The following TBC1D8B variants were observed in gnomAD, a reference collection of about 807,000 sequenced individuals.
TBC1D8B encodes the protein RP11-321G1.1.
In TBC1D8B, 75 loss-of-function variants were observed where a neutral mutation model predicts 82.9. The observed-to-expected ratio is 0.90, with a 90% CI of 0.75 to 1.10. The LOEUF is 1.10. Ranked by LOEUF, TBC1D8B falls within the 50% of genes least tolerant of loss-of-function variation. The probability of loss-of-function intolerance (pLI) is 0.00; values close to 1 mark genes in which losing one functional copy is unlikely to be tolerated. For synonymous variants in TBC1D8B, 276 were observed against 276.8 expected (o/e 1.00, Z 0.03); for missense variants, 794 against 796.9 (o/e 1.00, Z 0.04).
At chrX:106,814,914 T>C (rs1931495493) in intron 1 of TBC1D8B, 1 of 111,853 alleles carries the variant, frequency 8.9e-6, no homozygotes, top group Admixed American at 9.5e-5. Context: ...TCTTCTAAAT[T>C]TGTTTGAGTT....
At chrX:106,859,951 C>T (rs1932758408) in intron 14 of TBC1D8B, among the ~76,000 whole-genome samples, 2 of 111,833 alleles carry the variant, frequency 1.8e-5, no homozygotes, top group Admixed American at 1.9e-4. Flanking sequence ...TTGAGACGAT[C>T]GTGTGGTTTT....
intron 1 of TBC1D8B, among the ~76,000 whole-genome samples, chrX:106,803,561 A>G (rs915632407): frequency 9.0e-6 from 1 of 111,183 alleles, no homozygotes; most frequent in East Asian, 2.9e-4. Context: ...ATCTCTCCCA[A>G]TTTAGCATCT....
At chrX:106,858,088 G>T (rs1199603480) in intron 14 of TBC1D8B, among the ~76,000 whole-genome samples, 3 of 111,521 alleles carry the variant, frequency 2.7e-5, no homozygotes, top group African/African-American at 9.8e-5. Context: ...GTTATTTTTT[G>T]ACTTTTTAAT....
chrX:106,830,696 C>A (rs1471834856), intron 7 of TBC1D8B, among the ~76,000 whole-genome samples: 3 of 104,392 alleles, frequency 2.9e-5, no homozygotes, highest in Non-Finnish European at 5.8e-5. Flanking sequence ...ATCGCAAGGA[C>A]AAAAAACCAA....
At chrX:106,873,486 A>G in intron 20 of TBC1D8B, 84 bp from the exon 21 acceptor site, 2 of 946,095 alleles carry the variant, frequency 2.1e-6, no homozygotes, top group East Asian at 3.1e-5. Flanking sequence ...CAAATCCTAT[A>G]TAGGAGACTA....
At chrX:106,855,579 G>T (rs1326452812) in intron 14 of TBC1D8B, among the ~76,000 whole-genome samples, 2 of 111,807 alleles carry the variant, frequency 1.8e-5, no homozygotes. Flanking sequence ...TCTTCCTAAT[G>T]CATTGAATAG....
chrX:106,840,592 T>C, intron 9 of TBC1D8B, 78 bp from the exon 10 acceptor site: 1 of 918,145 alleles, frequency 1.1e-6, no homozygotes, highest in Non-Finnish European at 1.5e-6. Context: ...GGTAATGAAA[T>C]CCAATTATTT....
intron 3 of TBC1D8B, among the ~76,000 whole-genome samples, 171 bp from the exon 4 acceptor site, chrX:106,821,806 A>T (rs1035798707): frequency 9.0e-6 from 1 of 111,723 alleles, no homozygotes; most frequent in South Asian, 3.7e-4. Flanking sequence ...GGAACTTTGT[A>T]GAATTTTTTT....
intron 1 of TBC1D8B, among the ~76,000 whole-genome samples, chrX:106,813,705 T>C (rs767952954): frequency 1.1e-4 from 12 of 112,356 alleles, no homozygotes; most frequent in Non-Finnish European, 1.5e-4. Flanking sequence ...TTTATTTATA[T>C]ACACACACAT....
rs1931884754 is a variant in TBC1D8B, at chrX:106,827,459, A to G, written c.1203+122A>G. On this transcript the variant is annotated intron_variant, in intron 7 of 20. Transcript: ENST00000357242. ...ATGCCCAGGGGTTTTTTTTAAAGAT[A>G]GAATCTAAGAAATTATATTGTCTAA... The G allele has an allele frequency of 1.4e-5, 10 of 724,030 alleles. No homozygotes were observed. In the Admixed American group the frequency reaches 2.9e-4, roughly 21 times the overall value. 59.7% of individuals were successfully genotyped at this position (724,030 alleles called of 1,213,427 possible). A position where few individuals can be genotyped will look rare whatever the true frequency, so the allele number is the denominator to read the frequency against.
In TBC1D8B at chrX:106,840,773, A is replaced by C; in HGVS notation, c.1608A>C (p.Leu536Phe). Residue 536 changes from leucine to phenylalanine, a missense_variant, in exon 10 of 21, where the codon TTA becomes TTC. Physicochemically the swap from Leu to Phe is conservative, Grantham distance 22. Transcript: ENST00000357242. ...CTACTGAAGAAATTGAACGTGATTT[A>C]CGTCGCTCTCTGCCTGAGCACCCAG... is the stretch of plus-strand genomic sequence containing the variant. Reference protein sequence around the residue: ...NLATEEIERDLRRSLPEHPAF... With the variant: ...NLATEEIERDFRRSLPEHPAF... 8.3e-7 allele frequency: 1 copy of C among 1,211,202 alleles called. No individual in the cohort carries two copies. The highest frequency in any genetic ancestry group is 1.1e-6 in the Non-Finnish European group (1 of 895,199).
At chrX:106,839,271 G>C (rs746373460) in intron 7 of TBC1D8B, 37 bp from the exon 8 acceptor site, 1 of 1,093,879 alleles carries the variant, frequency 9.1e-7, no homozygotes, top group African/African-American at 1.9e-5. Flanking sequence ...AGAAACGTAA[G>C]CATGCATCTG....
intron 1 of TBC1D8B, chrX:106,814,636 G>A (rs1256543213): frequency 5.5e-5 from 6 of 108,800 alleles, no homozygotes; most frequent in Non-Finnish European, 1.1e-4. Context: ...CTTCCACAAT[G>A]GTTGAACTAG....
rs1267413031 is a variant in TBC1D8B at position 106,839,556 on chromosome X, T to C, written c.1353+99T>C. 6.6e-6 allele frequency: 6 copies of C among 905,287 alleles called. No homozygotes were observed. The East Asian group carries it at 2.0e-4, about 30-fold the overall frequency. 74.6% of individuals were successfully genotyped at this position (905,287 alleles called of 1,213,427 possible). ...AAGGTATCACAACTGAAAACTCTTC[T>C]TTTGGGACTTGAAAAGTTTTCCAGC... On this transcript the variant is annotated intron_variant, in intron 8 of 20. Transcript: ENST00000357242.
intron 1 of TBC1D8B, among the ~76,000 whole-genome samples, chrX:106,806,952 C>A (rs1002027490): frequency 2.7e-5 from 3 of 111,103 alleles, no homozygotes; most frequent in Non-Finnish European, 5.7e-5. Context: ...ATAAGGTAAC[C>A]TTTTTAAAAC....
chrX:106,803,552 TC>T (rs770737791), intron 1 of TBC1D8B, among the ~76,000 whole-genome samples: 58 of 110,998 alleles, frequency 5.2e-4, no homozygotes, highest in African/African-American at 1.8e-3. Flanking sequence ...GAATTGCTGA[TC>T]TCTCCCAATT....
At chrX:106,839,161 A>T in intron 7 of TBC1D8B, 147 bp from the exon 8 acceptor site, 2 of 594,018 alleles carry the variant, frequency 3.4e-6, no homozygotes, top group East Asian at 4.1e-5. Context: ...GACATATCTA[A>T]TTTTGATAGG....
chrX:106,807,540 T>C (rs1164952053), intron 1 of TBC1D8B, among the ~76,000 whole-genome samples: 1 of 108,472 alleles, frequency 9.2e-6, no homozygotes, highest in Non-Finnish European at 1.9e-5. Flanking sequence ...CAAGTAGATT[T>C]AATTCTAATG....
chrX:106,864,559 C>T (rs745729861), intron 14 of TBC1D8B, among the ~76,000 whole-genome samples: 7 of 98,141 alleles, frequency 7.1e-5, no homozygotes, highest in Admixed American at 6.7e-4. Flanking sequence ...CACTCTGTCG[C>T]CCAGGCTGGA....
Sources: gnomAD v4.1 joint callset for allele counts (sites outside exome capture counted in the v4.1 genomes callset) on GRCh38, gnomAD v4.1.1 for gene constraint, MANE v1.5 for transcripts, NCBI Gene and HGNC (gene_info 2026-07-23, HGNC 2026-07-21) for gene names.